Variants in XPO4 observed in about 807,000 individuals in gnomAD.
XPO4 encodes the protein exportin-4.
XPO4 carries 39 observed loss-of-function variants against 143.0 expected under a neutral mutation model. That is an observed-to-expected ratio of 0.27 (90% confidence interval 0.21 to 0.36). The LOEUF is 0.36. Among genes scored for constraint, XPO4 ranks in the 10% least tolerant of loss-of-function variants. The pLI is 1.00. For missense variants in XPO4, 907 were observed against 1,348.0 expected, an observed-to-expected ratio of 0.67 and a Z score of 5.12; for synonymous variants, 439 against 474.0, an observed-to-expected ratio of 0.93 and a Z score of 0.96.
At chr13:20,888,483 T>C (rs9506571) in intron 1 of XPO4, among the ~76,000 whole-genome samples, 53,476 of 152,040 alleles carry the variant, frequency 0.35, 11,263 homozygotes, top group Non-Finnish European at 0.48. Flanking sequence ...CCTGAGTAGA[T>C]GAGACTACAG....
intron 1 of XPO4, 192 bp downstream of exon 1, chr13:20,902,478 G>A: frequency 1.0e-6 from 1 of 985,420 alleles, no homozygotes; most frequent in Non-Finnish European, 1.2e-6. Context: ...GACAGCTCCT[G>A]GAAGGAGGGG....
intron 9 of XPO4, among the ~76,000 whole-genome samples, chr13:20,811,008 G>C (rs1282496143): frequency 6.6e-6 from 1 of 152,140 alleles, no homozygotes; most frequent in Non-Finnish European, 1.5e-5. Flanking sequence ...TGTGGTCCAA[G>C]ATCTCCCTGA....
At chr13:20,890,538 C>CTTG (rs926983085) in intron 1 of XPO4, among the ~76,000 whole-genome samples, 2 of 152,012 alleles carry the variant, frequency 1.3e-5, no homozygotes, top group Non-Finnish European at 2.9e-5. Context: ...GTGGCTCATG[C>CTTG]TTGTAATCCC....
At chr13:20,895,191 T>C (rs765458773) in intron 1 of XPO4, among the ~76,000 whole-genome samples, 3 of 151,540 alleles carry the variant, frequency 2.0e-5, no homozygotes, top group Non-Finnish European at 4.4e-5. Context: ...GAAAAGAAAA[T>C]AGAAATGCAT....
At chr13:20,846,602 G>C (rs906756253) in intron 4 of XPO4, among the ~76,000 whole-genome samples, 3 of 152,100 alleles carry the variant, frequency 2.0e-5, no homozygotes, top group East Asian at 1.9e-4. Flanking sequence ...CCCTGAACAC[G>C]TAAGAATCTT....
At chr13:20,812,593 G>A (rs2059596246) in intron 9 of XPO4, among the ~76,000 whole-genome samples, 1 of 152,082 alleles carries the variant, frequency 6.6e-6, no homozygotes. Context: ...CAAACAATAT[G>A]ATGAAGTCAA....
chr13:20,843,961 A>G, intron 4 of XPO4, 75 bp from the exon 5 acceptor site: 1 of 1,065,090 alleles, frequency 9.4e-7, no homozygotes, highest in Non-Finnish European at 1.4e-6. Context: ...TTGTTCAAAC[A>G]TAATAGAACA....
intron 1 of XPO4, among the ~76,000 whole-genome samples, chr13:20,869,837 G>A (rs2060277715): frequency 6.6e-6 from 1 of 152,074 alleles, no homozygotes; most frequent in Non-Finnish European, 1.5e-5. Flanking sequence ...GGTCCCAGTC[G>A]CTCATGCCTG....
intron 5 of XPO4, 70 bp from the exon 6 acceptor site, chr13:20,843,118 G>A (rs760910019): frequency 3.3e-5 from 46 of 1,406,248 alleles, no homozygotes; most frequent in Non-Finnish European, 4.4e-5. Flanking sequence ...TTAGAATCAT[G>A]AAACAAAACA....
rs960856350 is a variant in XPO4 at position 20,802,254 on chromosome 13, C to T, written c.1818-1264G>A. ...AAAAATTTTTGTAAAGACAGGGTTT[C>T]GTCATGTCACCCAGGCTGGTCTTGA... is the stretch of plus-strand genomic sequence containing the variant. On this transcript the variant is annotated intron_variant, in intron 13 of 22. Coordinates refer to ENST00000255305, the MANE Select transcript of XPO4 (RefSeq NM_022459.5). Among the ~76,000 whole-genome samples the T allele has an allele frequency of 3.4e-4, 52 of 151,998 alleles. 1 individual carries two copies. The highest frequency in any genetic ancestry group is 2.1e-4 in the South Asian group (1 of 4,814).
chr13:20,792,495 G>A (rs1279418343), intron 18 of XPO4, among the ~76,000 whole-genome samples: 1 of 152,138 alleles, frequency 6.6e-6, no homozygotes, highest in South Asian at 2.1e-4. Context: ...CTTGAACCGA[G>A]GAGGCAGAGG....
At chr13:20,835,114 C>A (rs1483162288) in intron 6 of XPO4, among the ~76,000 whole-genome samples, 1 of 152,168 alleles carries the variant, frequency 6.6e-6, no homozygotes, top group East Asian at 1.9e-4. Flanking sequence ...AAGCCATACT[C>A]CTGCCTTGGC....
intron 6 of XPO4, among the ~76,000 whole-genome samples, chr13:20,838,059 G>A (rs950817162): frequency 3.9e-5 from 6 of 152,208 alleles, no homozygotes; most frequent in South Asian, 2.1e-4. Flanking sequence ...GATTAAAAGC[G>A]TGAGCCACTG....
intron 3 of XPO4, among the ~76,000 whole-genome samples, chr13:20,859,135 C>T (rs2060172342): frequency 6.6e-6 from 1 of 150,468 alleles, no homozygotes; most frequent in Admixed American, 6.6e-5. Context: ...AGTTAGAGAC[C>T]AGCCTGGGCA....
Position 20,800,824 on chromosome 13 carries a change from T to G in XPO4, c.1977+7A>C. ...TCCAAATGAAGTTTTAAGTTTTACA[T>G]TCTGACCTGATCATACAGTTTTTCA... On this transcript the variant is annotated splice_region_variant and intron_variant, in intron 14 of 22. Transcript: ENST00000255305. The G allele has an allele frequency of 6.2e-7, 1 of 1,612,376 alleles. No homozygotes were observed. The highest frequency in any genetic ancestry group is 2.2e-5 in the East Asian group (1 of 44,822).
chr13:20,856,756 A>C, intron 3 of XPO4: 1 of 821,040 alleles, frequency 1.2e-6, no homozygotes, highest in Non-Finnish European at 1.5e-6. Context: ...CACACGCACA[A>C]CTGCAGACAT....
In XPO4 at chr13:20,798,030, C is replaced by T. The variant is rs568829703; in HGVS notation, c.2323-973G>A. 9.9e-4 allele frequency among the ~76,000 whole-genome samples: 151 copies of T among 152,052 alleles called. 1 individual carries two copies. The highest frequency in any genetic ancestry group is 3.4e-3 in the African/African-American group (140 of 41,464). ...ATGGTGGTGCGCACCTGTAATCCCA[C>T]CTACTTAGGAGGCTGAGACAGGAGA... On this transcript the variant is annotated intron_variant, in intron 16 of 22. Coordinates refer to ENST00000255305, the MANE Select transcript of XPO4 (RefSeq NM_022459.5).
chr13:20,876,668 G>T (rs2060356425), intron 1 of XPO4, among the ~76,000 whole-genome samples: 1 of 152,090 alleles, frequency 6.6e-6, no homozygotes, highest in South Asian at 2.1e-4. Context: ...TTAGTAAATT[G>T]AACTATATTA....
chr13:20,843,822 C>T lies in XPO4; in HGVS notation c.521G>A (p.Ser174Asn). The change falls in exon 5 of 23, where the codon AGC becomes AAC. Residue 174 changes from serine (S) to asparagine (N), a missense_variant. Transcript: ENST00000255305. ...GAATTCCATGCTCAATCCAATGTTGCTAGTTTTACTTGAACTTGAAAATTC... is the reference window on the plus strand; with the variant it reads ...GAATTCCATGCTCAATCCAATGTTGTTAGTTTTACTTGAACTTGAAAATTC... The part of the protein sequence containing the change: ...LSEFSSSSKT[S>N]NIGLSMEFHG... 6.2e-7 allele frequency: 1 copy of T among 1,613,412 alleles called. No homozygotes were observed. Among genetic ancestry groups the T allele is most frequent in the Non-Finnish European group, 8.5e-7 (1 of 1,179,818 alleles).
Sources: gnomAD v4.1 joint callset for allele counts (sites outside exome capture counted in the v4.1 genomes callset) on GRCh38, gnomAD v4.1.1 for gene constraint, MANE v1.5 for transcripts, NCBI Gene and HGNC (gene_info 2026-07-23, HGNC 2026-07-21) for gene names.